UST: variants seen among roughly 807,000 people sequenced by gnomAD.
UST encodes chondroitin sulfate 2-O-sulfotransferase.
In UST, 21 loss-of-function variants were observed where a neutral mutation model predicts 45.6. That is an observed-to-expected ratio of 0.46 (90% CI 0.33 to 0.66). The LOEUF (loss-of-function observed/expected upper bound fraction) is 0.66. UST is among the 30% of genes least tolerant of loss of function. The probability of loss-of-function intolerance (pLI) is 0.02; values close to 1 mark genes in which losing one functional copy is unlikely to be tolerated. For synonymous variants in UST, 215 were observed against 200.6 expected, an observed-to-expected ratio of 1.07 and a Z score of -0.61; for missense variants, 463 against 512.4, an observed-to-expected ratio of 0.90 and a Z score of 0.93.
intron 1 of UST, among the ~76,000 whole-genome samples, chr6:148,885,614 A>G (rs1184944827): frequency 2.6e-5 from 4 of 152,200 alleles, no homozygotes; most frequent in Non-Finnish European, 5.9e-5. Context: ...TTTACTATAT[A>G]CAAATGGCCA....
At chr6:148,833,211 G>A (rs1777723021) in intron 1 of UST, among the ~76,000 whole-genome samples, 2 of 152,208 alleles carry the variant, frequency 1.3e-5, no homozygotes, top group South Asian at 4.1e-4. Flanking sequence ...AACCTGACCA[G>A]GCGCAGTGGC....
intron 1 of UST, among the ~76,000 whole-genome samples, chr6:148,774,417 C>A (rs1204368760): frequency 6.6e-6 from 1 of 151,806 alleles, no homozygotes; most frequent in African/African-American, 2.4e-5. Context: ...TGTGTAAAAT[C>A]TTTATATTGT....
At chr6:148,938,785 T>C (rs1780067175) in intron 2 of UST, among the ~76,000 whole-genome samples, 1 of 150,984 alleles carries the variant, frequency 6.6e-6, no homozygotes, top group African/African-American at 2.4e-5. Flanking sequence ...GATAATAGTA[T>C]AAATAGTATA....
At chr6:148,992,538 C>T (rs1781375618) in intron 5 of UST, among the ~76,000 whole-genome samples, 1 of 152,142 alleles carries the variant, frequency 6.6e-6, no homozygotes, top group Admixed American at 6.5e-5. Context: ...ACTTTGAGAA[C>T]CACTGTGCTA....
intron 5 of UST, among the ~76,000 whole-genome samples, chr6:149,015,827 C>T (rs939565704): frequency 1.3e-5 from 2 of 152,176 alleles, no homozygotes; most frequent in African/African-American, 2.4e-5. Context: ...GACTGAAAGG[C>T]ATCCGTCAGA....
intron 1 of UST, among the ~76,000 whole-genome samples, chr6:148,761,366 G>C (rs1776215226): frequency 6.6e-6 from 1 of 152,208 alleles, no homozygotes; most frequent in African/African-American, 2.4e-5. Context: ...AGGAACTGCT[G>C]TGGTGCTTAG....
intron 7 of UST, among the ~76,000 whole-genome samples, chr6:149,055,814 G>C (rs1776553797): frequency 6.6e-6 from 1 of 152,150 alleles, no homozygotes; most frequent in African/African-American, 2.4e-5. Context: ...AGTCTAACCT[G>C]ACAATCAGTC....
At chr6:148,805,604 G>A (rs1342216496) in intron 1 of UST, among the ~76,000 whole-genome samples, 1 of 152,200 alleles carries the variant, frequency 6.6e-6, no homozygotes, top group Non-Finnish European at 1.5e-5. Context: ...CCAGAATAGA[G>A]AGTACCTCTC....
intron 1 of UST, among the ~76,000 whole-genome samples, chr6:148,824,540 C>T (rs1378777982): frequency 6.6e-6 from 1 of 152,094 alleles, no homozygotes; most frequent in African/African-American, 2.4e-5. Context: ...ATCCAATCAC[C>T]ATCATCAGTA....
intron 2 of UST, among the ~76,000 whole-genome samples, chr6:148,895,908 AT>A (rs1042623534): frequency 3.1e-4 from 47 of 152,280 alleles, no homozygotes; most frequent in African/African-American, 7.9e-4. Flanking sequence ...GAAAGATTAC[AT>A]TTTTTTCCCC....
chr6:148,865,637 C>T (rs1778411366), intron 1 of UST, among the ~76,000 whole-genome samples: 2 of 150,530 alleles, frequency 1.3e-5, no homozygotes, highest in Non-Finnish European at 2.9e-5. Context: ...CCAGGTCCGG[C>T]ATTGACCCAT....
In UST at chr6:148,828,230, ATTAT is replaced by A. The variant is rs10699115; in HGVS notation, c.248-58728_248-58725del. ...GCTCCTAAGTACTTTGTTAGTCTAT[ATTAT>A]TTATTTATTTATTTATTTATTTATT... On this transcript the variant is annotated intron_variant, in intron 1 of 7. Coordinates refer to ENST00000367463, the MANE Select transcript of UST (RefSeq NM_005715.3). 2.3e-3 allele frequency among the ~76,000 whole-genome samples: 345 copies of A among 148,708 alleles called. 2 individuals are homozygous for A. Among genetic ancestry groups the A allele is most frequent in the East Asian group, 0.011 (58 of 5,140 alleles).
intron 1 of UST, among the ~76,000 whole-genome samples, chr6:148,882,718 T>C (rs1778845816): frequency 6.6e-6 from 1 of 152,164 alleles, no homozygotes; most frequent in Admixed American, 6.5e-5. Flanking sequence ...TTCCGCTGTT[T>C]GTTTACTGGA....
chr6:148,892,473 A>G (rs1779037954), intron 2 of UST, among the ~76,000 whole-genome samples: 2 of 152,246 alleles, frequency 1.3e-5, no homozygotes, highest in African/African-American at 4.8e-5. Flanking sequence ...AGGGTGATGC[A>G]ATAGTGACAA....
intron 2 of UST, among the ~76,000 whole-genome samples, chr6:148,890,359 A>T (rs1218260612): frequency 6.6e-6 from 1 of 152,142 alleles, no homozygotes; most frequent in Non-Finnish European, 1.5e-5. Context: ...ACAGGGTGGC[A>T]TGCAGACGAT....
chr6:148,888,411 G>A (rs35892885), intron 2 of UST, among the ~76,000 whole-genome samples: 4,115 of 152,284 alleles, frequency 0.027, 94 homozygotes, highest in Non-Finnish European at 0.037. Context: ...CCCAAAGTAT[G>A]TTTAGACCAC....
intron 5 of UST, among the ~76,000 whole-genome samples, chr6:148,999,346 A>G (rs1212625142): frequency 2.6e-5 from 4 of 152,256 alleles, no homozygotes; most frequent in Non-Finnish European, 5.9e-5. Context: ...ACTTTTAGAA[A>G]CTATAATAGA....
At chr6:148,814,627 A>G (rs1777322685) in intron 1 of UST, among the ~76,000 whole-genome samples, 1 of 152,122 alleles carries the variant, frequency 6.6e-6, no homozygotes, top group African/African-American at 2.4e-5. Flanking sequence ...TTCTGGCTGT[A>G]CTAGGGGTTG....
intron 2 of UST, among the ~76,000 whole-genome samples, chr6:148,939,611 G>C (rs1052824993): frequency 6.6e-6 from 1 of 152,174 alleles, no homozygotes; most frequent in Non-Finnish European, 1.5e-5. Context: ...AGTGGGGAAA[G>C]AATAGAAAGA....
Sources: allele counts gnomAD v4.1 joint callset (sites outside exome capture counted in the v4.1 genomes callset), GRCh38; gene constraint gnomAD v4.1.1; transcripts MANE v1.5; gene names NCBI Gene and HGNC (gene_info 2026-07-23, HGNC 2026-07-21).